FHIT: variants seen among roughly 807,000 people sequenced by gnomAD.
FHIT encodes the protein bis(5'-adenosyl)-triphosphatase.
A neutral mutation model predicts 17.9 loss-of-function variants in FHIT; 19 were observed. The ratio of observed to expected loss-of-function variants is 1.06; its 90% CI spans 0.74 to 1.56. FHIT has a LOEUF of 1.56. Ranked by LOEUF, FHIT falls within the 40% of genes most tolerant of loss-of-function variation. FHIT has a pLI of 0.00. For synonymous variants in FHIT, 81 were observed against 69.7 expected (o/e 1.16, Z -0.81); for missense variants, 248 against 189.2 (o/e 1.31, Z -1.82).
chr3:60,614,565 GT>G (rs1304095645), intron 4 of FHIT, among the ~76,000 whole-genome samples: 3 of 151,994 alleles, frequency 2.0e-5, no homozygotes, highest in Non-Finnish European at 4.4e-5. Flanking sequence ...GATCGATCAC[GT>G]CATTGCACTC....
At chr3:60,496,398 G>A (rs72882134) in intron 5 of FHIT, among the ~76,000 whole-genome samples, 9,480 of 152,172 alleles carry the variant, frequency 0.062, 596 homozygotes, top group East Asian at 0.29. Flanking sequence ...AGGAGCAAAC[G>A]TTTTACTCCA....
intron 8 of FHIT, among the ~76,000 whole-genome samples, chr3:59,921,120 C>A (rs750043283): frequency 1.3e-5 from 2 of 152,194 alleles, no homozygotes; most frequent in South Asian, 2.1e-4. Context: ...GGAAAACATA[C>A]AAAGCAAAAG....
intron 5 of FHIT, among the ~76,000 whole-genome samples, chr3:60,236,016 C>A (rs1422514718): frequency 6.6e-6 from 1 of 152,036 alleles, no homozygotes; most frequent in Non-Finnish European, 1.5e-5. Context: ...TTTAATTCCT[C>A]AGACATACTC....
At chr3:61,129,749 T>G (rs529656231) in intron 2 of FHIT, among the ~76,000 whole-genome samples, 1 of 152,214 alleles carries the variant, frequency 6.6e-6, no homozygotes, top group Non-Finnish European at 1.5e-5. Flanking sequence ...GCTGAAAAAG[T>G]ACTTAGGGTA....
intron 5 of FHIT, among the ~76,000 whole-genome samples, chr3:60,243,434 C>A (rs1238253818): frequency 2.6e-5 from 4 of 152,216 alleles, no homozygotes; most frequent in South Asian, 4.1e-4. Flanking sequence ...TCAAGAACTA[C>A]TGGCCATGGA....
At chr3:61,097,829 C>G (rs1313035466) in intron 2 of FHIT, among the ~76,000 whole-genome samples, 1 of 151,918 alleles carries the variant, frequency 6.6e-6, no homozygotes, top group Non-Finnish European at 1.5e-5. Context: ...GTTTAAGTTC[C>G]TTATATATGC....
intron 7 of FHIT, among the ~76,000 whole-genome samples, chr3:59,989,126 G>A (rs577243908): frequency 2.0e-4 from 31 of 152,122 alleles, no homozygotes; most frequent in African/African-American, 7.0e-4. Context: ...AAAAATAGAT[G>A]AACAGTGATT....
intron 8 of FHIT, among the ~76,000 whole-genome samples, chr3:59,882,181 C>T (rs1430145541): frequency 1.3e-5 from 2 of 150,536 alleles, no homozygotes; most frequent in African/African-American, 5.0e-5. Flanking sequence ...AAACACACTG[C>T]TGGTAGGAAA....
intron 3 of FHIT, among the ~76,000 whole-genome samples, chr3:60,871,371 T>A (rs530744172): frequency 3.9e-5 from 6 of 152,130 alleles, no homozygotes; most frequent in Admixed American, 1.3e-4. Flanking sequence ...TTATCTCTCC[T>A]AATCAGGCTT....
intron 4 of FHIT, among the ~76,000 whole-genome samples, chr3:60,550,128 G>A (rs1159505281): frequency 6.6e-6 from 1 of 152,190 alleles, no homozygotes; most frequent in Non-Finnish European, 1.5e-5. Context: ...TGAACCTTGA[G>A]AGGAACAATG....
At chr3:60,564,736 G>A (rs986441909) in intron 4 of FHIT, among the ~76,000 whole-genome samples, 1 of 152,134 alleles carries the variant, frequency 6.6e-6, no homozygotes, top group African/African-American at 2.4e-5. Flanking sequence ...ATGAGAAATT[G>A]CTTTTTATGG....
chr3:60,971,451 A>G (rs76010322), intron 3 of FHIT, among the ~76,000 whole-genome samples: 1 of 152,160 alleles, frequency 6.6e-6, no homozygotes, highest in African/African-American at 2.4e-5. Flanking sequence ...CAAGAGCCAA[A>G]TAAATTCTGC....
At chr3:60,946,663 T>C (rs544501112) in intron 3 of FHIT, among the ~76,000 whole-genome samples, 6 of 152,272 alleles carry the variant, frequency 3.9e-5, no homozygotes, top group Admixed American at 3.3e-4. Flanking sequence ...TTTTATGGCA[T>C]GTGCTTTAAA....
intron 4 of FHIT, among the ~76,000 whole-genome samples, chr3:60,719,782 C>T (rs1375927271): frequency 6.6e-6 from 1 of 152,164 alleles, no homozygotes; most frequent in African/African-American, 2.4e-5. Flanking sequence ...TTGGAGATGG[C>T]ATTCATCGTC....
At chr3:61,053,441 C>T (rs952040967) in intron 2 of FHIT, among the ~76,000 whole-genome samples, 1 of 151,988 alleles carries the variant, frequency 6.6e-6, no homozygotes, top group Non-Finnish European at 1.5e-5. Context: ...GGTGGATCAC[C>T]TGAGGTCAGG....
At chr3:60,818,566 A>G (rs572409593) in intron 4 of FHIT, among the ~76,000 whole-genome samples, 1 of 152,186 alleles carries the variant, frequency 6.6e-6, no homozygotes, top group Non-Finnish European at 1.5e-5. Context: ...TATCAAGTGC[A>G]TATTCATCTA....
At chr3:60,390,429 C>CAAAAAAAAAAA (rs138051258) in intron 5 of FHIT, among the ~76,000 whole-genome samples, 1 of 11,248 alleles carries the variant, frequency 8.9e-5, no homozygotes, top group African/African-American at 1.2e-4. Context: ...AAAAAAAAAA[C>CAAAAAAAAAAA]CCGTACCCTC....
intron 5 of FHIT, among the ~76,000 whole-genome samples, chr3:60,316,021 T>C (rs897604470): frequency 4.6e-5 from 7 of 152,308 alleles, no homozygotes; most frequent in East Asian, 1.9e-4. Flanking sequence ...AACTACACAA[T>C]AGTATTGTTC....
intron 5 of FHIT, among the ~76,000 whole-genome samples, chr3:60,130,532 A>T (rs2107261310): frequency 6.6e-6 from 1 of 152,298 alleles, no homozygotes; most frequent in Admixed American, 6.5e-5. Context: ...CAGGTTACAG[A>T]TTCTGCATCA....
Sources: allele counts gnomAD v4.1 joint callset (sites outside exome capture counted in the v4.1 genomes callset), GRCh38; gene constraint gnomAD v4.1.1; transcripts MANE v1.5; gene names NCBI Gene and HGNC (gene_info 2026-07-23, HGNC 2026-07-21).